The following MYBPC2 variants were observed in gnomAD, a reference collection of about 807,000 sequenced individuals.
MYBPC2 encodes myosin-binding protein C, fast-type.
A neutral mutation model predicts 137.0 loss-of-function variants in MYBPC2; 122 were observed. The ratio of observed to expected loss-of-function variants is 0.89; its 90% CI spans 0.77 to 1.03. MYBPC2 has a LOEUF of 1.03. Among genes scored for constraint, MYBPC2 ranks in the 50% least tolerant of loss-of-function variants. The pLI is 0.00. For synonymous variants in MYBPC2, 626 were observed against 612.3 expected (o/e 1.02, Z -0.33); for missense variants, 1,500 against 1,534.4 (o/e 0.98, Z 0.37).
At chr19:50,446,281 C>A (rs1207260203) in intron 12 of MYBPC2, among the ~76,000 whole-genome samples, 2 of 151,604 alleles carry the variant, frequency 1.3e-5, no homozygotes, top group Non-Finnish European at 2.9e-5. Flanking sequence ...GAGGCCGAGG[C>A]GGGTGGATCA....
intron 11 of MYBPC2, 26 bp downstream of exon 11, chr19:50,443,842 C>A (rs1200252456): frequency 6.3e-7 from 1 of 1,592,208 alleles, no homozygotes; most frequent in African/African-American, 1.3e-5. Context: ...TCCCTGATCT[C>A]CATACAGGTG....
chr19:50,434,176 G>A (rs2039681976), intron 1 of MYBPC2, among the ~76,000 whole-genome samples: 1 of 152,148 alleles, frequency 6.6e-6, no homozygotes, highest in Admixed American at 6.5e-5. Flanking sequence ...TGGCCAACAT[G>A]GCAAAACCCC....
chr19:50,464,631 C>T (rs1184110022), intron 27 of MYBPC2, 99 bp downstream of exon 27: 29 of 1,296,524 alleles, frequency 2.2e-5, no homozygotes, highest in South Asian at 1.6e-4. Flanking sequence ...GATCTGGAGA[C>T]GAGTGAGACC....
In MYBPC2 at chr19:50,462,051, A is replaced by C; in HGVS notation, c.3228+15A>C. On this transcript the variant is annotated intron_variant, in intron 26 of 27. Coordinates refer to ENST00000357701, the MANE Select transcript of MYBPC2 (RefSeq NM_004533.4). ...GCCACCCGAAGGTGCCAGGGCAGGG[A>C]CCCAGATCTGCGTGTGTGTTGCCTT... is the stretch of plus-strand genomic sequence containing the variant. 6.4e-7 allele frequency: 1 copy of C among 1,567,544 alleles called. No individual in the cohort carries two copies. The highest frequency in any genetic ancestry group is 1.4e-5 in the African/African-American group (1 of 73,946).
In MYBPC2 at chr19:50,458,574, CCT is replaced by C. The variant is rs1347047350; in HGVS notation, c.2339-5_2339-4del. 1.9e-5 allele frequency: 30 copies of C among 1,609,824 alleles called. No homozygotes were observed. The highest frequency in any genetic ancestry group is 1.6e-4 in the Middle Eastern group (1 of 6,082). Reference sequence around the variant, plus strand: ...GAGGGCACGAGATCCGCCAGCAGGGCCTCTCTCTCCAGCCGAGGAATGGGTCC... The same window carrying C: ...GAGGGCACGAGATCCGCCAGCAGGGCCTCTCTCCAGCCGAGGAATGGGTCC... On this transcript the variant is annotated splice_polypyrimidine_tract_variant and intron_variant, in intron 20 of 27. Coordinates refer to ENST00000357701, the MANE Select transcript of MYBPC2 (RefSeq NM_004533.4).
intron 19 of MYBPC2, 45 bp from the exon 20 acceptor site, chr19:50,455,463 CCT>C (rs764737027): frequency 6.3e-7 from 1 of 1,594,500 alleles, no homozygotes; most frequent in Non-Finnish European, 8.6e-7. Context: ...CCTGCTGACC[CCT>C]GACCCCTCAT....
intron 24 of MYBPC2, among the ~76,000 whole-genome samples, chr19:50,460,960 G>T (rs2039966130): frequency 6.6e-6 from 1 of 150,992 alleles, no homozygotes; most frequent in Non-Finnish European, 1.5e-5. Flanking sequence ...CAAAGTGTTG[G>T]GATTACAGGC....
rs367918782 is a variant in MYBPC2, at chr19:50,432,911, G to T, written c.-43G>T. 98 of 1,600,252 alleles carry T rather than the reference G, an allele frequency of 6.1e-5. No individual in the cohort carries two copies. The African/African-American group carries it at 9.0e-4, about 15-fold the overall frequency. On this transcript the variant is annotated 5_prime_UTR_variant, in exon 1 of 28. Coordinates refer to ENST00000357701, the MANE Select transcript of MYBPC2 (RefSeq NM_004533.4). This position sits in a 1 kb window ranked among gnomAD's most constrained non-coding sequence, Gnocchi z 5.5. ...CCACCTGTCCTCCCTAGGGCCTAGCGGGACGCGGCTGCGGTCAGAGGAGCA... is the reference window on the plus strand; with the variant it reads ...CCACCTGTCCTCCCTAGGGCCTAGCTGGACGCGGCTGCGGTCAGAGGAGCA...
Position 50,435,365 on chromosome 19 carries a change from C to T in MYBPC2, c.109+115C>T. The T allele has an allele frequency of 3.0e-6, 2 of 664,472 alleles. No homozygotes were observed. The highest frequency in any genetic ancestry group is 2.8e-5 in the East Asian group (1 of 36,108). 41.2% of individuals were successfully genotyped at this position (664,472 alleles called of 1,614,324 possible). A position where few individuals can be genotyped will look rare whatever the true frequency, so the allele number is the denominator to read the frequency against. ...TCCTTGAATCTGTCCCCGCACAGCC[C>T]CAGGGCTGACCCACGCCTCCCGTGC... On this transcript the variant is annotated intron_variant, in intron 2 of 27. Transcript: ENST00000357701. The surrounding 1 kb of genome is among the most constrained non-coding windows in gnomAD (Gnocchi z 4.8).
Position 50,440,780 on chromosome 19 carries a change from G to C in MYBPC2, c.573-100G>C. The C allele has an allele frequency of 4.9e-6, 6 of 1,221,922 alleles. No homozygotes were observed. The South Asian group carries it at 9.6e-5, about 19-fold the overall frequency. 75.7% of individuals were successfully genotyped at this position (1,221,922 alleles called of 1,614,324 possible). A position where few individuals can be genotyped will look rare whatever the true frequency, so the allele number is the denominator to read the frequency against. On this transcript the variant is annotated intron_variant, in intron 7 of 27. Coordinates refer to ENST00000357701, the MANE Select transcript of MYBPC2 (RefSeq NM_004533.4). ...AAACAATAAGACCCCTAAAGGGAAG[G>C]TGGCTTGGGTGAGTCACAGAGCCAA... is the stretch of plus-strand genomic sequence containing the variant.
intron 20 of MYBPC2, among the ~76,000 whole-genome samples, chr19:50,457,720 C>G (rs1291102686): frequency 7.1e-6 from 1 of 141,272 alleles, no homozygotes; most frequent in Admixed American, 7.3e-5. Flanking sequence ...TGGTCTGTCG[C>G]CCAGGCTGGA....
intron 16 of MYBPC2, among the ~76,000 whole-genome samples, 199 bp downstream of exon 16, chr19:50,452,202 C>T (rs972637352): frequency 1.3e-5 from 2 of 152,212 alleles, no homozygotes; most frequent in Non-Finnish European, 2.9e-5. Context: ...TTCATCCATT[C>T]ACCTTTCAGT....
At chr19:50,448,971 C>A (rs1204002381) in intron 13 of MYBPC2, among the ~76,000 whole-genome samples, 1 of 151,952 alleles carries the variant, frequency 6.6e-6, no homozygotes, top group Non-Finnish European at 1.5e-5. Context: ...CTCAGCTGAT[C>A]CACCCACCTC....
intron 19 of MYBPC2, 81 bp downstream of exon 19, chr19:50,455,377 C>A: frequency 1.3e-6 from 2 of 1,561,680 alleles, no homozygotes; most frequent in Non-Finnish European, 1.7e-6. Flanking sequence ...TCTGGCCCAT[C>A]TTTTGCCCGC....
In MYBPC2 at chr19:50,436,644, A is replaced by T; in HGVS notation, c.373A>T (p.Lys125Ter). ...GTACACCGTGGAGCTGCACATTGGGAAGGTGGTACTGGGGGACCGTGGGTA... is the reference window on the plus strand; with the variant it reads ...GTACACCGTGGAGCTGCACATTGGGTAGGTGGTACTGGGGGACCGTGGGTA... ...NVYTVELHIGKVVLGDRGYYR... is the reference protein window; with the variant it reads ...NVYTVELHIG Residue 125 changes from lysine (K) to a stop codon, truncating the protein, a stop_gained, in exon 5 of 28, where the codon AAG becomes TAG. Coordinates refer to ENST00000357701, the MANE Select transcript of MYBPC2 (RefSeq NM_004533.4). LOFTEE classifies it high-confidence loss of function. The T allele has an allele frequency of 1.2e-6, 2 of 1,613,920 alleles. No homozygotes were observed. Among genetic ancestry groups the T allele is most frequent in the South Asian group, 2.2e-5 (2 of 91,082 alleles).
intron 1 of MYBPC2, among the ~76,000 whole-genome samples, chr19:50,433,684 C>G (rs187924654): frequency 1.4e-5 from 2 of 146,176 alleles, no homozygotes. Flanking sequence ...CATGAGCCGC[C>G]GAGCCCGGCC....
chr19:50,443,611 C>A lies in MYBPC2; in HGVS notation c.1020C>A (p.Phe340Leu), dbSNP rs780048309. The A allele has an allele frequency of 1.2e-6, 2 of 1,613,556 alleles. No homozygotes were observed. Among genetic ancestry groups the A allele is most frequent in the Non-Finnish European group, 1.7e-6 (2 of 1,179,592 alleles). The change falls in exon 10 of 28, where the codon TTC becomes TTA. Residue 340 changes from phenylalanine to leucine, a missense_variant. Coordinates refer to ENST00000357701, the MANE Select transcript of MYBPC2 (RefSeq NM_004533.4). Reference sequence around the variant, plus strand: ...ATGAGAAGTGTTTCACCGAGCTCTTCGTCAAAGGTGAGGCTGGAATTCAGA... The same window carrying A: ...ATGAGAAGTGTTTCACCGAGCTCTTAGTCAAAGGTGAGGCTGGAATTCAGA... ...VKDEKCFTEL[F>L]VKEPPVLIVT...
intron 1 of MYBPC2, among the ~76,000 whole-genome samples, chr19:50,433,287 T>TG (rs539577885): frequency 2.0e-5 from 3 of 151,744 alleles, no homozygotes; most frequent in Admixed American, 6.6e-5. Context: ...TATAAGTGAT[T>TG]GGGGGGGCAT....
chr19:50,462,554 C>A (rs980644298), intron 26 of MYBPC2, among the ~76,000 whole-genome samples: 2 of 152,000 alleles, frequency 1.3e-5, no homozygotes, highest in African/African-American at 4.8e-5. Flanking sequence ...GACAATCAAT[C>A]ACATCTTGCC....
Sources: gnomAD v4.1 joint callset for allele counts (sites outside exome capture counted in the v4.1 genomes callset) on GRCh38, gnomAD v4.1.1 for gene constraint, Gnocchi (gnomAD v3.1) non-coding constraint, MANE v1.5 for transcripts, NCBI Gene and HGNC (gene_info 2026-07-23, HGNC 2026-07-21) for gene names.